Variants in CSMD2 observed in about 807,000 individuals in gnomAD.
CSMD2 encodes the protein CUB and sushi domain-containing protein 2.
Under a neutral mutation model 398.5 loss-of-function variants are expected in CSMD2, and 130 were observed. The observed-to-expected ratio is 0.33, with a 90% confidence interval of 0.28 to 0.38. CSMD2 has a LOEUF of 0.38. Among genes scored for constraint, CSMD2 ranks in the 10% least tolerant of loss-of-function variants. The pLI, the probability that CSMD2 is intolerant of heterozygous loss-of-function variation, is 1.00. For synonymous variants in CSMD2, 1,828 were observed against 1,908.5 expected (o/e 0.96, Z 1.10); for missense variants, 3,829 against 4,764.9 (o/e 0.80, Z 5.78).
At chr1:33,745,287 T>A (rs1647253229) in intron 13 of CSMD2, among the ~76,000 whole-genome samples, 1 of 152,216 alleles carries the variant, frequency 6.6e-6, no homozygotes, top group Non-Finnish European at 1.5e-5. Context: ...GTCGTAGGCG[T>A]TCAAAATGAA....
At chr1:34,123,531 G>A (rs1662422558) in intron 1 of CSMD2, among the ~76,000 whole-genome samples, 3 of 151,986 alleles carry the variant, frequency 2.0e-5, no homozygotes, top group Admixed American at 1.3e-4. Flanking sequence ...AAGGGGGGGG[G>A]TTGTGGGAAC....
intron 22 of CSMD2, among the ~76,000 whole-genome samples, chr1:33,703,824 T>C (rs1645688758): frequency 6.6e-6 from 1 of 152,218 alleles, no homozygotes; most frequent in South Asian, 2.1e-4. Flanking sequence ...TTGCTTTATA[T>C]CCTTGCTGAT....
In CSMD2 at chr1:33,846,978, G is replaced by C. The variant is rs1638299911; in HGVS notation, c.939C>G (p.Leu313=). 1.2e-6 allele frequency: 2 copies of C among 1,609,518 alleles called. No individual in the cohort carries two copies. Among genetic ancestry groups the C allele is most frequent in the Admixed American group, 1.7e-5 (1 of 59,572 alleles). The change falls in exon 6 of 71, where the codon CTC becomes CTG. Residue 313 remains leucine (L), a synonymous_variant. Transcript: ENST00000373381. ...TCTTGCTGCTGATAACGGGGGCTGG[G>C]AGGCTGGCTCCGGTGAACCTGTGGG... is the stretch of plus-strand genomic sequence containing the variant. The part of the protein sequence containing the change: ...GSSLWFTGAS[L]PAPVISSKNW...
chr1:34,098,878 A>G lies in CSMD2; in HGVS notation c.188-9685T>C, dbSNP rs575327949. Among the ~76,000 whole-genome samples, 4 of 152,004 alleles carry G rather than the reference A, an allele frequency of 2.6e-5. No homozygotes were observed. The South Asian group carries it at 8.3e-4, about 32-fold the overall frequency. Reference sequence around the variant, plus strand: ...TTTTAGCATAATAGCTGTGGAGGATACTACAAGATTGATATTAAAAGTATG... The same window carrying G: ...TTTTAGCATAATAGCTGTGGAGGATGCTACAAGATTGATATTAAAAGTATG... On this transcript the variant is annotated intron_variant, in intron 1 of 70. Transcript: ENST00000373381.
chr1:33,723,673 G>A (rs915629515), intron 19 of CSMD2, among the ~76,000 whole-genome samples: 1 of 152,220 alleles, frequency 6.6e-6, no homozygotes, highest in Non-Finnish European at 1.5e-5. Flanking sequence ...GCAAGAAGGG[G>A]ATCGCTGTGT....
Position 33,521,719 on chromosome 1 carries a change from C to T in CSMD2, c.10510-169G>A, listed in dbSNP as rs538053822. ...CAAGGGTGGGTGTGACCGGGGAGCC[C>T]GGGGTGGGGCAGGGGCACCAGCTAC... On this transcript the variant is annotated intron_variant, in intron 67 of 70. Coordinates refer to ENST00000373381, the MANE Select transcript of CSMD2 (RefSeq NM_001281956.2). 6.6e-4 allele frequency among the ~76,000 whole-genome samples: 101 copies of T among 152,190 alleles called. No individual in the cohort carries two copies. The highest frequency in any genetic ancestry group is 1.3e-3 in the Non-Finnish European group (89 of 68,000).
intron 25 of CSMD2, among the ~76,000 whole-genome samples, chr1:33,682,268 C>T (rs938561798): frequency 6.6e-6 from 1 of 152,200 alleles, no homozygotes; most frequent in South Asian, 2.1e-4. Flanking sequence ...ATCTAGGGTT[C>T]ACCCAGATAA....
chr1:33,520,584 AG>A (rs1437432097), intron 68 of CSMD2, among the ~76,000 whole-genome samples: 2 of 151,406 alleles, frequency 1.3e-5, no homozygotes, highest in Non-Finnish European at 2.9e-5. Flanking sequence ...CAGTAGGTGA[AG>A]GGTGCTGTGT....
At chr1:33,875,130 T>C (rs1640749485) in intron 5 of CSMD2, among the ~76,000 whole-genome samples, 1 of 152,150 alleles carries the variant, frequency 6.6e-6, no homozygotes, top group Non-Finnish European at 1.5e-5. Flanking sequence ...ATGTCCTTCA[T>C]TGGGATCCCA....
intron 23 of CSMD2, among the ~76,000 whole-genome samples, chr1:33,699,605 T>A (rs1645539121): frequency 1.3e-5 from 2 of 152,234 alleles, no homozygotes; most frequent in African/African-American, 4.8e-5. Flanking sequence ...CAGGCAAGGA[T>A]CCTCTGCCAG....
chr1:33,878,351 G>A (rs1640990943), intron 5 of CSMD2: 1 of 152,282 alleles, frequency 6.6e-6, no homozygotes, highest in South Asian at 2.1e-4. Context: ...AGCATCACAG[G>A]TGAGTGGGAG....
At chr1:33,701,863 A>G (rs1431511647) in intron 22 of CSMD2, among the ~76,000 whole-genome samples, 2 of 152,264 alleles carry the variant, frequency 1.3e-5, no homozygotes, top group Admixed American at 6.5e-5. Context: ...TTTATCATCA[A>G]TGGACTAGGA....
rs1639121318 is a variant in CSMD2 at position 33,586,954 on chromosome 1, C to G, written c.6937+134G>C. The G allele has an allele frequency of 6.0e-6, 4 of 664,282 alleles. No individual in the cohort carries two copies. In the South Asian group the frequency reaches 8.2e-5, roughly 14 times the overall value. The allele number at this position is 664,282 out of a possible 1,614,324, so 41.1% of individuals were successfully genotyped here. ...AAACTCAGTGGGCAGAACCCTCTGGCACAGGGCCTACTGTTTCTCTCTCCA... is the reference window on the plus strand; with the variant it reads ...AAACTCAGTGGGCAGAACCCTCTGGGACAGGGCCTACTGTTTCTCTCTCCA... On this transcript the variant is annotated intron_variant, in intron 45 of 70. Transcript: ENST00000373381.
intron 2 of CSMD2, among the ~76,000 whole-genome samples, chr1:34,082,914 C>G (rs1244511348): frequency 6.6e-6 from 1 of 151,992 alleles, no homozygotes; most frequent in African/African-American, 2.4e-5. Flanking sequence ...CTCAAGTACC[C>G]AGGGACACAA....
intron 25 of CSMD2, among the ~76,000 whole-genome samples, chr1:33,666,005 G>A (rs1329727571): frequency 6.6e-6 from 1 of 152,060 alleles, no homozygotes; most frequent in Non-Finnish European, 1.5e-5. Context: ...ATGATGACAC[G>A]CTCATAGCTG....
intron 3 of CSMD2, among the ~76,000 whole-genome samples, chr1:34,024,485 T>C (rs1190510799): frequency 6.6e-6 from 1 of 152,262 alleles, no homozygotes; most frequent in African/African-American, 2.4e-5. Context: ...ATTTGTGGGA[T>C]TATTGAGGAC....
chr1:33,658,604 A>G (rs1038033395), intron 26 of CSMD2, among the ~76,000 whole-genome samples: 1 of 152,194 alleles, frequency 6.6e-6, no homozygotes, highest in Non-Finnish European at 1.5e-5. Context: ...GCTCACGCCT[A>G]TAATTCCAGC....
chr1:34,037,332 T>C (rs539095930), intron 2 of CSMD2, among the ~76,000 whole-genome samples: 56 of 152,256 alleles, frequency 3.7e-4, no homozygotes, highest in African/African-American at 1.3e-3. Context: ...GACTGCAGCC[T>C]TGCTGACTAC....
chr1:34,061,668 G>T (rs1654523129), intron 2 of CSMD2, among the ~76,000 whole-genome samples: 1 of 152,178 alleles, frequency 6.6e-6, no homozygotes, highest in Admixed American at 6.5e-5. Flanking sequence ...TATGCAAAGT[G>T]CTTAGAGCAG....
Sources: gnomAD v4.1 joint callset for allele counts (sites outside exome capture counted in the v4.1 genomes callset) on GRCh38, gnomAD v4.1.1 for gene constraint, MANE v1.5 for transcripts, NCBI Gene and HGNC (gene_info 2026-07-23, HGNC 2026-07-21) for gene names.